The following MRTFA variants were observed in gnomAD, a reference collection of about 807,000 sequenced individuals.
The protein encoded by MRTFA is myocardin-related transcription factor A.
In MRTFA, 20 loss-of-function variants were observed where a neutral mutation model predicts 83.5. The observed-to-expected ratio is 0.24, with a 90% CI of 0.17 to 0.35. MRTFA has a LOEUF of 0.35. Among genes scored for constraint, MRTFA ranks in the 10% least tolerant of loss-of-function variants. MRTFA has a pLI of 1.00. For missense variants in MRTFA, 1,200 were observed against 1,224.7 expected, an observed-to-expected ratio of 0.98 and a Z score of 0.30; for synonymous variants, 659 against 541.2, an observed-to-expected ratio of 1.22 and a Z score of -3.02.
At chr22:40,622,508 G>T (rs1170746112) in intron 1 of MRTFA, among the ~76,000 whole-genome samples, 1 of 146,706 alleles carries the variant, frequency 6.8e-6, no homozygotes, top group Non-Finnish European at 1.5e-5. Context: ...ATCCAGGTGG[G>T]CTCTAAGTCC....
intron 4 of MRTFA, among the ~76,000 whole-genome samples, chr22:40,441,346 C>A (rs1417304116): frequency 6.6e-6 from 1 of 152,252 alleles, no homozygotes; most frequent in East Asian, 1.9e-4. Flanking sequence ...TGGCTGGCTA[C>A]AACTACCAAT....
At chr22:40,565,260 G>A (rs1602436987) in intron 2 of MRTFA, among the ~76,000 whole-genome samples, 1 of 152,060 alleles carries the variant, frequency 6.6e-6, no homozygotes, top group African/African-American at 2.4e-5. Flanking sequence ...AGACCTCCTG[G>A]GGTAGGCTGG....
intron 3 of MRTFA, among the ~76,000 whole-genome samples, chr22:40,482,564 T>C (rs2054108923): frequency 6.6e-6 from 1 of 152,300 alleles, no homozygotes; most frequent in South Asian, 2.1e-4. Context: ...AGGGTGGAGA[T>C]AAACTAGGAA....
intron 2 of MRTFA, among the ~76,000 whole-genome samples, chr22:40,560,813 C>T (rs2055602911): frequency 6.6e-6 from 1 of 152,150 alleles, no homozygotes; most frequent in African/African-American, 2.4e-5. Context: ...ACCCTACCCG[C>T]TTTAGGGCTG....
chr22:40,509,773 G>A (rs1245510603), intron 3 of MRTFA, among the ~76,000 whole-genome samples: 2 of 152,060 alleles, frequency 1.3e-5, no homozygotes, highest in Non-Finnish European at 2.9e-5. Flanking sequence ...AGGTCTTGCT[G>A]AAATCCCCCT....
chr22:40,587,013 A>G (rs1228509224), intron 2 of MRTFA: 3 of 478,962 alleles, frequency 6.3e-6, no homozygotes, highest in Admixed American at 2.3e-5. Context: ...GTTGCAGAGC[A>G]TGGTCTTTGC....
chr22:40,460,765 T>G (rs1195255845), intron 4 of MRTFA, among the ~76,000 whole-genome samples: 1 of 152,132 alleles, frequency 6.6e-6, no homozygotes, highest in Admixed American at 6.5e-5. Context: ...CACCTAACAC[T>G]TTAAGAACTG....
At chr22:40,471,010 T>C (rs1429285547) in intron 3 of MRTFA, among the ~76,000 whole-genome samples, 1 of 151,760 alleles carries the variant, frequency 6.6e-6, no homozygotes, top group Non-Finnish European at 1.5e-5. Flanking sequence ...TAAAAGTTTG[T>C]TGTTTGAAAA....
chr22:40,455,494 A>C (rs2053566740), intron 4 of MRTFA, among the ~76,000 whole-genome samples: 1 of 151,938 alleles, frequency 6.6e-6, no homozygotes. Context: ...AAAATACAAA[A>C]AACTTGCCAG....
intron 1 of MRTFA, among the ~76,000 whole-genome samples, chr22:40,629,400 C>T (rs1330680248): frequency 6.6e-6 from 1 of 150,458 alleles, no homozygotes; most frequent in Non-Finnish European, 1.5e-5. Flanking sequence ...GAGCCAAGAT[C>T]GAACCACTGC....
In MRTFA at chr22:40,611,379, G is replaced by C. The variant is rs547302815; in HGVS notation, c.-83-16644C>G. 1.4e-4 allele frequency among the ~76,000 whole-genome samples: 22 copies of C among 152,034 alleles called. No homozygotes were observed. The East Asian group carries it at 3.5e-3, about 24-fold the overall frequency. On this transcript the variant is annotated intron_variant, in intron 1 of 14. Transcript: ENST00000355630. ...AGCCTTCCAAGTAGCTAGAACTAAA[G>C]GCACTCAAACCACCACATCCAGCTT... is the stretch of plus-strand genomic sequence containing the variant.
At chr22:40,606,808 T>C in intron 1 of MRTFA, among the ~76,000 whole-genome samples, 1 of 152,156 alleles carries the variant, frequency 6.6e-6, no homozygotes, top group East Asian at 1.9e-4. Context: ...AGGTTATTTG[T>C]TCCTAACAAA....
intron 1 of MRTFA, among the ~76,000 whole-genome samples, chr22:40,612,970 TC>T (rs561846930): frequency 1.2e-4 from 19 of 152,266 alleles, no homozygotes; most frequent in South Asian, 6.2e-4. Context: ...ACAAGGACAT[TC>T]CCATCACTCT....
At chr22:40,573,935 G>A (rs2055833151) in intron 2 of MRTFA, among the ~76,000 whole-genome samples, 1 of 151,682 alleles carries the variant, frequency 6.6e-6, no homozygotes, top group Admixed American at 6.6e-5. Context: ...TTTTTATAGA[G>A]ATGTGAATCT....
intron 1 of MRTFA, among the ~76,000 whole-genome samples, chr22:40,604,373 G>A (rs551121202): frequency 2.0e-5 from 3 of 151,668 alleles, no homozygotes; most frequent in East Asian, 2.0e-4. Flanking sequence ...CTCGTAACCC[G>A]CCCGCCTCGG....
At chr22:40,486,526 A>G (rs528388260) in intron 3 of MRTFA, among the ~76,000 whole-genome samples, 16 of 152,304 alleles carry the variant, frequency 1.1e-4, no homozygotes, top group South Asian at 2.1e-4. Context: ...TCTAGGAGGA[A>G]AATTTGCTTC....
At chr22:40,511,260 A>T (rs1000019466) in intron 3 of MRTFA, among the ~76,000 whole-genome samples, 2 of 152,208 alleles carry the variant, frequency 1.3e-5, no homozygotes, top group African/African-American at 4.8e-5. Flanking sequence ...AGTCAAATAG[A>T]TATGACAAGT....
intron 3 of MRTFA, among the ~76,000 whole-genome samples, chr22:40,486,023 T>C (rs1213177759): frequency 6.6e-6 from 1 of 152,208 alleles, no homozygotes; most frequent in Non-Finnish European, 1.5e-5. Flanking sequence ...GCCATCTGCC[T>C]GGCCCACTGC....
chr22:40,541,648 C>CTGTG (rs112837274), intron 3 of MRTFA, among the ~76,000 whole-genome samples: 3 of 150,920 alleles, frequency 2.0e-5, no homozygotes, highest in African/African-American at 4.9e-5. Flanking sequence ...TAGCTGATGG[C>CTGTG]TGTGTGTGTG....
Sources: gnomAD v4.1 joint callset for allele counts (sites outside exome capture counted in the v4.1 genomes callset) on GRCh38, gnomAD v4.1.1 for gene constraint, MANE v1.5 for transcripts, NCBI Gene and HGNC (gene_info 2026-07-23, HGNC 2026-07-21) for gene names.